Variants in GRIP2 observed in about 807,000 individuals in gnomAD.
The protein encoded by GRIP2 is glutamate receptor interacting protein 2, also known as glutamate receptor-interacting protein 2.
GRIP2 carries 58 observed loss-of-function variants against 108.3 expected under a neutral mutation model. That is an observed-to-expected ratio of 0.54 (90% CI 0.43 to 0.67). The LOEUF (loss-of-function observed/expected upper bound fraction) is 0.67, where lower values mean the gene tolerates loss of function less well. Among genes scored for constraint, GRIP2 ranks in the 30% least tolerant of loss-of-function variants. The pLI is 0.00. For synonymous variants in GRIP2, 586 were observed against 598.2 expected (o/e 0.98, Z 0.30); for missense variants, 1,278 against 1,430.6 (o/e 0.89, Z 1.72).
the GRIP2 span, among the ~76,000 whole-genome samples, chr3:14,587,778 T>C: frequency 2.0e-5 from 3 of 152,296 alleles, no homozygotes; most frequent in Non-Finnish European, 2.9e-5. Flanking sequence ...GTTGTGCCTG[T>C]GCCCAGCACA....
the GRIP2 span, among the ~76,000 whole-genome samples, chr3:14,571,503 A>G: frequency 1.3e-5 from 2 of 152,166 alleles, no homozygotes; most frequent in Admixed American, 6.5e-5. Context: ...GCACCTCCCA[A>G]GACACCGGGG....
chr3:14,493,724 T>G lies in GRIP2; in HGVS notation c.3073A>C (p.Thr1025Pro). The G allele has an allele frequency of 6.2e-7, 1 of 1,609,452 alleles. No individual in the cohort carries two copies. The highest frequency in any genetic ancestry group is 8.5e-7 in the Non-Finnish European group (1 of 1,178,506). Residue 1025 changes from threonine (T) to proline (P), a missense_variant, in exon 24 of 24, where the codon ACG becomes CCG. Physicochemically the swap from Thr to Pro is conservative, Grantham distance 38. Transcript: ENST00000621039. ...LELIISRKPHTAHSSRAPRSP... is the reference protein window; with the variant it reads ...LELIISRKPHPAHSSRAPRSP... ...CGGGGGGCCCGGCTGCTGTGTGCCG[T>G]GTGCGGCTTGCGGCTGATGATCAGC...
chr3:14,598,261 G>A, the GRIP2 span, among the ~76,000 whole-genome samples: 3 of 151,662 alleles, frequency 2.0e-5, no homozygotes, highest in African/African-American at 7.3e-5. Flanking sequence ...GGAGTGAGGA[G>A]CCAATCAAAA....
chr3:14,545,301 T>C (rs1695040638), upstream of GRIP2, among the ~76,000 whole-genome samples: 1 of 152,210 alleles, frequency 6.6e-6, no homozygotes, highest in Non-Finnish European at 1.5e-5. Flanking sequence ...CACTTGCCCT[T>C]AGGCAGAATG....
At chr3:14,536,229 A>C (rs182670895) in intron 1 of GRIP2, among the ~76,000 whole-genome samples, 31 of 152,350 alleles carry the variant, frequency 2.0e-4, no homozygotes, top group Non-Finnish European at 4.3e-4. Context: ...TAAGCACTTT[A>C]TGAATGCTAA....
rs967838089 is a variant in GRIP2, at chr3:14,500,791, C to G, written c.2679+2775G>C. Among the ~76,000 whole-genome samples, 7 of 152,210 alleles carry G rather than the reference C, an allele frequency of 4.6e-5. No individual in the cohort carries two copies. In the East Asian group the frequency reaches 9.6e-4, roughly 21 times the overall value. On this transcript the variant is annotated intron_variant, in intron 21 of 23. Transcript: ENST00000621039. ...CAGAAAAAAAGGGGTATGCAAGAAG[C>G]AAAGGTGATAACAGAAATTGGTCAA...
chr3:14,540,934 G>A (rs556741430), upstream of GRIP2, among the ~76,000 whole-genome samples: 24 of 152,284 alleles, frequency 1.6e-4, no homozygotes, highest in East Asian at 1.2e-3. The surrounding 1 kb of genome is among the most constrained non-coding windows in gnomAD (Gnocchi z 4.1). Flanking sequence ...AGATGAACCC[G>A]GCAGCCTGCC....
At position 14,540,263 on chromosome 3, in the gene GRIP2, A is replaced by G; in HGVS notation, c.40+6T>C. On this transcript the variant is annotated splice_donor_region_variant and intron_variant, in intron 1 of 23. Transcript: ENST00000621039. The surrounding 1 kb of genome is among the most constrained non-coding windows in gnomAD (Gnocchi z 4.1). ...TCACTCTGCCCACAGACCCCCCATT[A>G]CGTACCCGCCTCTCCAGGGGTCTCC... 1 of 1,608,352 alleles carries G rather than the reference A, an allele frequency of 6.2e-7. No homozygotes were observed. Among genetic ancestry groups the G allele is most frequent in the African/African-American group, 1.4e-5 (1 of 73,406 alleles).
intron 21 of GRIP2, among the ~76,000 whole-genome samples, chr3:14,497,963 G>C (rs1391511614): frequency 6.6e-6 from 1 of 152,148 alleles, no homozygotes; most frequent in Non-Finnish European, 1.5e-5. Flanking sequence ...GGGGGTGCTG[G>C]AGCTGCTGGG....
chr3:14,495,105 G>C (rs1440099718), intron 22 of GRIP2, 116 bp from the exon 23 acceptor site: 4 of 1,345,178 alleles, frequency 3.0e-6, no homozygotes, highest in Non-Finnish European at 4.1e-6. Context: ...ACACCCCCCA[G>C]GCTGCAGCAC....
chr3:14,579,687 C>CCCGCTCTGTCACCTG, the GRIP2 span, among the ~76,000 whole-genome samples: 1 of 151,978 alleles, frequency 6.6e-6, no homozygotes, highest in African/African-American at 2.4e-5. Flanking sequence ...GCCTTCACAA[C>CCCGCTCTGTCACCTG]CCTGGGGAAA....
intron 13 of GRIP2, among the ~76,000 whole-genome samples, chr3:14,513,258 G>A (rs990784810): frequency 2.0e-5 from 3 of 152,080 alleles, no homozygotes; most frequent in Non-Finnish European, 2.9e-5. Context: ...CCCAAGTACC[G>A]CCCCTATAGT....
At chr3:14,524,260 T>A (rs1694491794) in intron 4 of GRIP2, 133 bp downstream of exon 4, 1 of 1,050,672 alleles carries the variant, frequency 9.5e-7, no homozygotes, top group South Asian at 1.6e-5. Context: ...GAGGTATGGA[T>A]GCTTGTGGCC....
At chr3:14,503,194 G>T (rs1399250476) in intron 21 of GRIP2, among the ~76,000 whole-genome samples, 3 of 151,798 alleles carry the variant, frequency 2.0e-5, no homozygotes, top group African/African-American at 7.3e-5. Flanking sequence ...TACCAAAACT[G>T]CCCCGTGTGC....
intron 21 of GRIP2, among the ~76,000 whole-genome samples, chr3:14,502,899 A>G (rs1416413698): frequency 6.6e-6 from 1 of 152,250 alleles, no homozygotes; most frequent in Non-Finnish European, 1.5e-5. Flanking sequence ...GACCCCAATC[A>G]ATAATATTAG....
chr3:14,602,939 AGCCG>A, the GRIP2 span, among the ~76,000 whole-genome samples: 1 of 147,302 alleles, frequency 6.8e-6, no homozygotes, highest in Non-Finnish European at 1.5e-5. The surrounding 1 kb of genome is among the most constrained non-coding windows in gnomAD (Gnocchi z 4.7). Context: ...TTCGTCCGGC[AGCCG>A]CTGCAGGCAG....
At position 14,549,318 on chromosome 3, in the gene GRIP2, C is replaced by G. The variant is rs140686941; in HGVS notation, c.55+6582G>C. Among the ~76,000 whole-genome samples, 14 of 152,292 alleles carry G rather than the reference C, an allele frequency of 9.2e-5. 1 individual carries two copies. The East Asian group carries it at 2.7e-3, about 29-fold the overall frequency. ...AGCTCACCACCTCTGAGCAGCCCAC[C>G]CTATTCCTGAACAGTTGTAAGGGGT... On this transcript the variant is annotated intron_variant, in intron 1 of 23. Transcript: ENST00000637182.
At chr3:14,585,780 C>T in the GRIP2 span, among the ~76,000 whole-genome samples, 4 of 152,262 alleles carry the variant, frequency 2.6e-5, no homozygotes, top group African/African-American at 4.8e-5. Flanking sequence ...CACCACCTCT[C>T]CAGCAGAAAG....
chr3:14,594,829 T>C, the GRIP2 span, among the ~76,000 whole-genome samples: 1 of 152,346 alleles, frequency 6.6e-6, no homozygotes, highest in African/African-American at 2.4e-5. Context: ...CACAGGGTTG[T>C]TATGAAAATT....
Sources: allele counts gnomAD v4.1 joint callset (sites outside exome capture counted in the v4.1 genomes callset), GRCh38; gene constraint gnomAD v4.1.1; non-coding constraint Gnocchi (gnomAD v3.1); transcripts MANE v1.5; gene names NCBI Gene and HGNC (gene_info 2026-07-23, HGNC 2026-07-21).